SLX4: variants seen among roughly 807,000 people sequenced by gnomAD.
The protein encoded by SLX4 is SLX4 structure-specific endonuclease subunit.
Under a neutral mutation model 146.2 loss-of-function variants are expected in SLX4, and 112 were observed. The ratio of observed to expected loss-of-function variants is 0.77; its 90% confidence interval spans 0.66 to 0.90. The LOEUF (loss-of-function observed/expected upper bound fraction) is 0.90. SLX4 is among the 40% of genes least tolerant of loss of function. The pLI, the probability that SLX4 is intolerant of heterozygous loss-of-function variation, is 0.00. For missense variants in SLX4, 2,563 were observed against 2,392.7 expected (o/e 1.07, Z -1.49); for synonymous variants, 1,061 against 997.7 (o/e 1.06, Z -1.20).
At chr16:3,584,677 C>CG (rs1346254750) in intron 13 of SLX4, 92 bp downstream of exon 13, 6 of 1,000,488 alleles carry the variant, frequency 6.0e-6, no homozygotes, top group Admixed American at 1.7e-5. Flanking sequence ...AGAGACCACA[C>CG]GGGGGGCCCT....
At chr16:3,605,471 C>A (rs2040772010) in intron 3 of SLX4, among the ~76,000 whole-genome samples, 1 of 152,058 alleles carries the variant, frequency 6.6e-6, no homozygotes, top group Non-Finnish European at 1.5e-5. Context: ...AGTCCTCCTG[C>A]CTTGGCCTCC....
intron 5 of SLX4, among the ~76,000 whole-genome samples, chr16:3,599,543 T>A (rs957974597): frequency 6.6e-6 from 1 of 152,242 alleles, no homozygotes; most frequent in Non-Finnish European, 1.5e-5. Context: ...GCAAGATTTT[T>A]AAAAAATAGG....
Position 3,596,342 on chromosome 16 carries a change from GCTCTGA to G in SLX4, c.1729_1734del (p.Ser577_Glu578del). On this transcript the variant is annotated inframe_deletion, in exon 8 of 15. Coordinates refer to ENST00000294008, the MANE Select transcript of SLX4 (RefSeq NM_032444.4). The stretch of plus-strand genomic sequence containing the variant: ...AGAGCGGGTGACCTTCGCTCGCTCA[GCTCTGA>G]GTGCTCAGGTGGCACCAGAGGCGGC... 2 of 1,595,602 alleles carry G rather than the reference GCTCTGA, an allele frequency of 1.3e-6. No individual in the cohort carries two copies. Among genetic ancestry groups the G allele is most frequent in the Non-Finnish European group, 1.7e-6 (2 of 1,171,664 alleles).
intron 3 of SLX4, among the ~76,000 whole-genome samples, chr16:3,605,810 G>C (rs1294638516): frequency 6.6e-6 from 1 of 151,828 alleles, no homozygotes; most frequent in Non-Finnish European, 1.5e-5. Context: ...AGCCAGGCGT[G>C]GTGGTGGGAG....
chr16:3,605,301 G>C (rs990579295), intron 3 of SLX4, among the ~76,000 whole-genome samples: 1 of 152,072 alleles, frequency 6.6e-6, no homozygotes, highest in Non-Finnish European at 1.5e-5. Flanking sequence ...GTGTTAGCCA[G>C]GATGGTCTCA....
chr16:3,611,027 C>T (rs1361227207), intron 1 of SLX4, among the ~76,000 whole-genome samples: 1 of 152,190 alleles, frequency 6.6e-6, no homozygotes, highest in Non-Finnish European at 1.5e-5. Flanking sequence ...CTATCTCCTC[C>T]TATAGGTGCC....
Position 3,597,897 on chromosome 16 carries a change from C to G in SLX4, c.1266G>C (p.Leu422=), listed in dbSNP as rs779551144. Residue 422 remains leucine, a synonymous_variant, in exon 6 of 15, where the codon CTG becomes CTC. Transcript: ENST00000294008. The surrounding 1 kb of genome is among the most constrained non-coding windows in gnomAD (Gnocchi z 4.4). ...CCGACCGGGACAGAGCCATGGCCAC[C>G]AGCAGGTCCTCGGACGGTGCCTCGT... The part of the protein sequence containing the change: ...KVDEAPSEDL[L]VAMALSRSEM... 1.2e-6 allele frequency: 2 copies of G among 1,614,176 alleles called. No homozygotes were observed. The highest frequency in any genetic ancestry group is 2.2e-5 in the South Asian group (2 of 91,086).
At position 3,601,914 on chromosome 16, in the gene SLX4, G is replaced by A. The variant is rs1036587268; in HGVS notation, c.950+204C>T. The A allele has an allele frequency of 1.5e-5, 9 of 589,184 alleles. No individual in the cohort carries two copies. In the African/African-American group the frequency reaches 1.7e-4, roughly 11 times the overall value. The allele number at this position is 589,184 out of a possible 1,614,324, so 36.5% of individuals were successfully genotyped here. On this transcript the variant is annotated intron_variant, in intron 4 of 14. Coordinates refer to ENST00000294008, the MANE Select transcript of SLX4 (RefSeq NM_032444.4). The stretch of plus-strand genomic sequence containing the variant: ...GCCCAACTGTGTGAATATCCCAAAA[G>A]TAGTGATTTGTTCAGTTTAAATGGG...
At chr16:3,600,830 A>G (rs2040718132) in intron 5 of SLX4, 149 bp downstream of exon 5, 1 of 764,516 alleles carries the variant, frequency 1.3e-6, no homozygotes, top group Non-Finnish European at 2.2e-6. Context: ...TCCTGATCTA[A>G]GGTGATCTGC....
rs140872903 is a variant in SLX4 at position 3,589,153 on chromosome 16, C to T, written c.4485G>A (p.Ala1495=). 57 of 1,613,978 alleles carry T rather than the reference C, an allele frequency of 3.5e-5. No homozygotes were observed. The highest frequency in any genetic ancestry group is 4.4e-5 in the Non-Finnish European group (52 of 1,179,996). ...TCGGCCTGCTATTCCCCAGGGAGCC[C>T]GCGCCCGAGGACTTCTCTTGCAATT... ...QRKLQEKSSG[A]GSLGNSRPSF... Residue 1495 remains alanine (A), a synonymous_variant, in exon 12 of 15, where the codon GCG becomes GCA. Coordinates refer to ENST00000294008, the MANE Select transcript of SLX4 (RefSeq NM_032444.4). This position sits in a 1 kb window ranked among gnomAD's most constrained non-coding sequence, Gnocchi z 6.2.
rs769344941 is a variant in SLX4, at chr16:3,591,060, T to C, written c.2578A>G (p.Thr860Ala). ...TCTTCCTGGAGAAGCTTTCGCTGAG[T>C]AGCTGCAAATTCATAAATTTCTTCC... ...EMEEIYEFAA[T>A]QRKLLQEERA... is the part of the protein sequence containing the mutation. The change falls in exon 12 of 15, where the codon ACT becomes GCT. Residue 860 changes from threonine to alanine, a missense_variant. Coordinates refer to ENST00000294008, the MANE Select transcript of SLX4 (RefSeq NM_032444.4). The C allele has an allele frequency of 6.2e-7, 1 of 1,614,160 alleles. No homozygotes were observed. The highest frequency in any genetic ancestry group is 8.5e-7 in the Non-Finnish European group (1 of 1,180,032).
At position 3,606,495 on chromosome 16, in the gene SLX4, C is replaced by A; in HGVS notation, c.739G>T (p.Glu247Ter). ...ATACCATTCCCCGCCATCATCTCCT[C>A]TTGAGGATCCTTTGGGACATTTTCT... ...REENVPKDPQ[E>*]EMMAGNVYGL... Residue 247 changes from glutamate (E) to a stop codon, truncating the protein, a stop_gained, in exon 3 of 15, where the codon GAG (glutamate) becomes TAG (stop). Coordinates refer to ENST00000294008, the MANE Select transcript of SLX4 (RefSeq NM_032444.4). LOFTEE classifies it high-confidence loss of function. 6.2e-7 allele frequency: 1 copy of A among 1,614,216 alleles called. No homozygotes were observed. The highest frequency in any genetic ancestry group is 8.5e-7 in the Non-Finnish European group (1 of 1,180,028).
rs59127692 is a variant in SLX4 at position 3,609,738 on chromosome 16, A to G, written c.-602-172T>C. On this transcript the variant is annotated intron_variant, in intron 1 of 14. Coordinates refer to ENST00000294008, the MANE Select transcript of SLX4 (RefSeq NM_032444.4). ...GTCTAACCGTCCTATCAGACATCAC[A>G]ACAAAAGGACCTAGAAACCTGTCAA... Among the ~76,000 whole-genome samples the G allele has an allele frequency of 0.092, 14,020 of 152,302 alleles. 768 individuals are homozygous for G. The highest frequency in any genetic ancestry group is 0.15 in the African/African-American group (6,225 of 41,556).
Position 3,583,148 on chromosome 16 carries a change from T to C in SLX4, c.5102A>G (p.Glu1701Gly). The change falls in exon 14 of 15, where the codon GAA becomes GGA. Residue 1701 changes from glutamate (E) to glycine (G), a missense_variant. By Grantham distance (98) the Glu-to-Gly change is moderately conservative (BLOSUM62 -2). Coordinates refer to ENST00000294008, the MANE Select transcript of SLX4 (RefSeq NM_032444.4). ...GCCATCCACAGAGGTGGCCACGGATTCTTGAGAGGCTGGGATCTGGGCGTC... is the reference window on the plus strand; with the variant it reads ...GCCATCCACAGAGGTGGCCACGGATCCTTGAGAGGCTGGGATCTGGGCGTC... ...NDDAQIPASQ[E>G]SVATSVDGSD... is the part of the protein sequence containing the mutation. The C allele has an allele frequency of 6.2e-7, 1 of 1,614,220 alleles. No individual in the cohort carries two copies. Among genetic ancestry groups the C allele is most frequent in the Non-Finnish European group, 8.5e-7 (1 of 1,180,040 alleles).
In SLX4 at chr16:3,596,372, G is replaced by A. The variant is rs761001659; in HGVS notation, c.1705C>T (p.Pro569Ser). 7.5e-6 allele frequency: 12 copies of A among 1,596,524 alleles called. No homozygotes were observed. The highest frequency in any genetic ancestry group is 1.1e-5 in the South Asian group (1 of 89,436). ...PAQGLMQEPV[P>S]PLVPPEHSEL... ...GAGTGCTCAGGTGGCACCAGAGGCGGCACGGGCTCCTGCATAAGGCCCTGA... is the reference window on the plus strand; with the variant it reads ...GAGTGCTCAGGTGGCACCAGAGGCGACACGGGCTCCTGCATAAGGCCCTGA... Residue 569 changes from proline to serine, a missense_variant, in exon 8 of 15, where the codon CCG (proline) becomes TCG (serine). By Grantham distance (74) the Pro-to-Ser change is moderately conservative (BLOSUM62 -1). Transcript: ENST00000294008.
In SLX4 at chr16:3,589,724, G is replaced by C. The variant is rs1567169553; in HGVS notation, c.3914C>G (p.Ala1305Gly). The change falls in exon 12 of 15, where the codon GCA (alanine) becomes GGA (glycine). Residue 1305 changes from alanine (A) to glycine (G), a missense_variant. Coordinates refer to ENST00000294008, the MANE Select transcript of SLX4 (RefSeq NM_032444.4). The surrounding 1 kb of genome is among the most constrained non-coding windows in gnomAD (Gnocchi z 6.2). ...GGGCCTGATGACAGAAAACTTCTGT[G>C]CGACTTCGTTCCCTTCCCTGTTTCC... ...SVGNREGNEV[A>G]QKFSVIRPQT... is the part of the protein sequence containing the mutation. The C allele has an allele frequency of 6.2e-7, 1 of 1,613,944 alleles. No individual in the cohort carries two copies. The highest frequency in any genetic ancestry group is 8.5e-7 in the Non-Finnish European group (1 of 1,180,028).
chr16:3,596,341 A>G lies in SLX4; in HGVS notation c.1736T>C (p.Leu579Pro), dbSNP rs772504776. ...PPLVPPEHSE[L>P]SERRSPALHG... is the part of the protein sequence containing the mutation. ...GAGAGCGGGTGACCTTCGCTCGCTCAGCTCTGAGTGCTCAGGTGGCACCAG... is the reference window on the plus strand; with the variant it reads ...GAGAGCGGGTGACCTTCGCTCGCTCGGCTCTGAGTGCTCAGGTGGCACCAG... The change falls in exon 8 of 15, where the codon CTG becomes CCG. Residue 579 changes from leucine (L) to proline (P), a missense_variant. By Grantham distance (98) the Leu-to-Pro change is moderately conservative (BLOSUM62 -3). Coordinates refer to ENST00000294008, the MANE Select transcript of SLX4 (RefSeq NM_032444.4). 11 of 1,595,382 alleles carry G rather than the reference A, an allele frequency of 6.9e-6. No homozygotes were observed. Among genetic ancestry groups the G allele is most frequent in the Non-Finnish European group, 9.4e-6 (11 of 1,171,636 alleles).
At chr16:3,606,798 A>G in intron 2 of SLX4, 100 bp from the exon 3 acceptor site, 1 of 1,286,652 alleles carries the variant, frequency 7.8e-7, no homozygotes, top group Non-Finnish European at 1.1e-6. Context: ...AGAGTCCTTT[A>G]TCAACTAGTT....
chr16:3,607,088 A>G (rs775295206), intron 2 of SLX4, among the ~76,000 whole-genome samples: 3 of 152,234 alleles, frequency 2.0e-5, no homozygotes, highest in Non-Finnish European at 4.4e-5. Flanking sequence ...TTAAAGAAAT[A>G]TTAATGACAA....
Sources: allele counts gnomAD v4.1 joint callset (sites outside exome capture counted in the v4.1 genomes callset), GRCh38; gene constraint gnomAD v4.1.1; non-coding constraint Gnocchi (gnomAD v3.1); transcripts MANE v1.5; gene names NCBI Gene and HGNC (gene_info 2026-07-23, HGNC 2026-07-21).